Variants in SEMA3D observed in about 807,000 individuals in gnomAD.
SEMA3D encodes semaphorin 3D.
SEMA3D carries 84 observed loss-of-function variants against 100.1 expected under a neutral mutation model. The observed-to-expected ratio is 0.84, with a 90% CI of 0.70 to 1.01. The LOEUF is 1.01. Ranked by LOEUF, SEMA3D falls within the 50% of genes least tolerant of loss-of-function variation. SEMA3D has a pLI of 0.00. For synonymous variants in SEMA3D, 312 were observed against 320.7 expected (o/e 0.97, Z 0.29); for missense variants, 875 against 934.1 (o/e 0.94, Z 0.82).
the SEMA3D span, among the ~76,000 whole-genome samples, chr7:85,232,933 T>C: frequency 2.0e-5 from 3 of 152,282 alleles, no homozygotes; most frequent in African/African-American, 7.2e-5. Flanking sequence ...TATTTCTGAA[T>C]GGAGAGGGAG....
chr7:85,177,950 G>A (rs1392319097), intron 1 of SEMA3D, among the ~76,000 whole-genome samples: 1 of 152,106 alleles, frequency 6.6e-6, no homozygotes, highest in African/African-American at 2.4e-5. Flanking sequence ...AGGTGATTAG[G>A]TCATGAGGGC....
intron 17 of SEMA3D, among the ~76,000 whole-genome samples, chr7:85,008,504 A>G (rs1789862668): frequency 6.6e-6 from 1 of 151,718 alleles, no homozygotes; most frequent in South Asian, 2.1e-4. Context: ...ACGTACATAG[A>G]TGTATGCATA....
chr7:85,040,045 T>C (rs1174481094), intron 11 of SEMA3D, among the ~76,000 whole-genome samples: 1 of 147,762 alleles, frequency 6.8e-6, no homozygotes, highest in Non-Finnish European at 1.5e-5. Flanking sequence ...GGTACCATCA[T>C]GGCTCACTGC....
intron 8 of SEMA3D, among the ~76,000 whole-genome samples, chr7:85,056,112 T>A (rs1052779614): frequency 3.3e-5 from 5 of 151,930 alleles, no homozygotes; most frequent in Non-Finnish European, 5.9e-5. Context: ...ACTAAATTGC[T>A]TGTAGATCTT....
Position 85,074,396 on chromosome 7 carries a change from T to C in SEMA3D, c.376-1315A>G, listed in dbSNP as rs536480697. 2.0e-5 allele frequency among the ~76,000 whole-genome samples: 3 copies of C among 152,138 alleles called. No homozygotes were observed. The East Asian group carries it at 5.8e-4, about 29-fold the overall frequency. ...GACAATAACCTAACTGGTAGGGTGGTTCTTAGAATGAAATAAAATTTTTTA... is the reference window on the plus strand; with the variant it reads ...GACAATAACCTAACTGGTAGGGTGGCTCTTAGAATGAAATAAAATTTTTTA... On this transcript the variant is annotated intron_variant, in intron 5 of 18. Coordinates refer to ENST00000284136, the MANE Select transcript of SEMA3D (RefSeq NM_001384900.1).
intron 1 of SEMA3D, among the ~76,000 whole-genome samples, chr7:85,160,983 A>G (rs1432232777): frequency 6.6e-6 from 1 of 152,194 alleles, no homozygotes; most frequent in Non-Finnish European, 1.5e-5. Flanking sequence ...AGCAATGACT[A>G]CTTGCACGTA....
chr7:85,114,757 C>T (rs142102220), intron 3 of SEMA3D, among the ~76,000 whole-genome samples: 18 of 152,006 alleles, frequency 1.2e-4, no homozygotes, highest in African/African-American at 4.1e-4. Context: ...TATCAATTCT[C>T]CTTATATATA....
intron 18 of SEMA3D, among the ~76,000 whole-genome samples, chr7:85,002,852 G>A (rs1296884331): frequency 6.6e-6 from 1 of 152,086 alleles, no homozygotes; most frequent in African/African-American, 2.4e-5. Context: ...GGACATTTAA[G>A]TATTAAGCAG....
At chr7:85,207,244 C>T in the SEMA3D span, among the ~76,000 whole-genome samples, 2 of 152,036 alleles carry the variant, frequency 1.3e-5, no homozygotes, top group Non-Finnish European at 2.9e-5. Context: ...TTTTCATCTC[C>T]TTCAGCCAAA....
At chr7:85,005,000 T>C (rs776877438) in intron 18 of SEMA3D, among the ~76,000 whole-genome samples, 2 of 151,738 alleles carry the variant, frequency 1.3e-5, no homozygotes, top group African/African-American at 2.4e-5. Flanking sequence ...AAATGAAAGA[T>C]GTGAGTGCAA....
At chr7:85,048,102 G>T (rs1183254982) in intron 9 of SEMA3D, among the ~76,000 whole-genome samples, 1 of 151,706 alleles carries the variant, frequency 6.6e-6, no homozygotes, top group Non-Finnish European at 1.5e-5. Flanking sequence ...AAACACACAG[G>T]CTTTCTGTTG....
the SEMA3D span, among the ~76,000 whole-genome samples, chr7:85,249,957 C>T: frequency 3.5e-3 from 531 of 152,248 alleles, 1 homozygote; most frequent in African/African-American, 0.012. Flanking sequence ...TCTGAGGTAC[C>T]GGGTTCATCT....
chr7:85,233,172 A>G, the SEMA3D span, among the ~76,000 whole-genome samples: 2 of 152,214 alleles, frequency 1.3e-5, no homozygotes, highest in Non-Finnish European at 2.9e-5. Flanking sequence ...TACTGAAAAA[A>G]ATGTGTTGAT....
intron 18 of SEMA3D, among the ~76,000 whole-genome samples, chr7:85,005,952 A>G (rs1445021980): frequency 6.6e-6 from 1 of 152,032 alleles, no homozygotes; most frequent in African/African-American, 2.4e-5. Context: ...GAGAAATTTG[A>G]TTTATTTACA....
intron 1 of SEMA3D, among the ~76,000 whole-genome samples, chr7:85,157,901 C>A (rs1790643467): frequency 6.6e-6 from 1 of 152,126 alleles, no homozygotes; most frequent in South Asian, 2.1e-4. Context: ...CAAATTAATA[C>A]TTTTATAATT....
intron 12 of SEMA3D, among the ~76,000 whole-genome samples, chr7:85,031,207 TTAAC>T (rs1480210360): frequency 2.6e-5 from 4 of 152,084 alleles, no homozygotes; most frequent in Non-Finnish European, 5.9e-5. Flanking sequence ...TAGTGTTTAT[TTAAC>T]TGAGTGATAA....
chr7:85,058,901 G>A (rs1459384557), intron 8 of SEMA3D, among the ~76,000 whole-genome samples: 1 of 151,618 alleles, frequency 6.6e-6, no homozygotes, highest in East Asian at 1.9e-4. Context: ...AAAACTATTT[G>A]AATTAAATAA....
Position 85,122,079 on chromosome 7 carries a change from G to A in SEMA3D, c.-40-148C>T, listed in dbSNP as rs1789435966. On this transcript the variant is annotated intron_variant, in intron 2 of 18. Transcript: ENST00000284136. ...AGGGAGGGGAACATAGCATACCAGG[G>A]CCTGTTGGGGGCTGGGGGCTGGGGG... 24 of 502,320 alleles carry A rather than the reference G, an allele frequency of 4.8e-5. 1 individual carries two copies. In the South Asian group the frequency reaches 7.8e-4, roughly 16 times the overall value. The allele number at this position is 502,320 out of a possible 1,614,324, so 31.1% of individuals were successfully genotyped here.
chr7:85,198,986 AG>A, the SEMA3D span, among the ~76,000 whole-genome samples: 3 of 151,830 alleles, frequency 2.0e-5, no homozygotes, highest in African/African-American at 7.2e-5. Context: ...TCTCAAATGT[AG>A]TGTTTTCGTT....
Sources: gnomAD v4.1 joint callset for allele counts (sites outside exome capture counted in the v4.1 genomes callset) on GRCh38, gnomAD v4.1.1 for gene constraint, MANE v1.5 for transcripts, NCBI Gene and HGNC (gene_info 2026-07-23, HGNC 2026-07-21) for gene names.